Variants in TMEM67 observed in about 807,000 individuals in gnomAD.
The protein encoded by TMEM67 is transmembrane protein 67.
TMEM67 carries 124 observed loss-of-function variants against 136.6 expected under a neutral mutation model. The ratio of observed to expected loss-of-function variants is 0.91; its 90% CI spans 0.78 to 1.05. The LOEUF (loss-of-function observed/expected upper bound fraction) is 1.05, where lower values mean the gene tolerates loss of function less well. Ranked by LOEUF, TMEM67 falls within the 50% of genes least tolerant of loss-of-function variation. TMEM67 has a pLI of 0.00. For missense variants in TMEM67, 1,107 were observed against 1,178.4 expected (o/e 0.94, Z 0.89); for synonymous variants, 364 against 390.5 (o/e 0.93, Z 0.80).
chr8:93,803,530 A>C, intron 21 of TMEM67, 74 bp from the exon 22 acceptor site: 1 of 973,196 alleles, frequency 1.0e-6, no homozygotes, highest in Non-Finnish European at 1.7e-6. Context: ...TTTTCTTAAG[A>C]TGCTACACTG....
downstream of TMEM67, among the ~76,000 whole-genome samples, chr8:93,819,410 AG>A (rs1050258319): frequency 3.9e-5 from 6 of 152,328 alleles, no homozygotes; most frequent in Admixed American, 3.3e-4. Context: ...TGGAGAGAAC[AG>A]GAAGAGTGGA....
intron 20 of TMEM67, 32 bp from the exon 21 acceptor site, chr8:93,799,586 G>T: frequency 1.2e-6 from 2 of 1,611,092 alleles, no homozygotes; most frequent in African/African-American, 1.3e-5. Context: ...ATCCATGTCC[G>T]TTTAAATTAC....
chr8:93,820,458 T>C (rs1006228629), downstream of TMEM67, among the ~76,000 whole-genome samples: 4 of 152,158 alleles, frequency 2.6e-5, no homozygotes, highest in South Asian at 6.2e-4. Flanking sequence ...TGGCTGCATG[T>C]TGTGGTTTGC....
At chr8:93,793,136 A>T in intron 15 of TMEM67, 62 bp from the exon 16 acceptor site, 1 of 1,450,120 alleles carries the variant, frequency 6.9e-7, no homozygotes, top group Non-Finnish European at 9.7e-7. Context: ...ACTTGTTCAC[A>T]GTGTTTTTGA....
At chr8:93,782,078 T>G (rs1813861951) in intron 10 of TMEM67, among the ~76,000 whole-genome samples, 1 of 152,326 alleles carries the variant, frequency 6.6e-6, no homozygotes, top group South Asian at 2.1e-4. Flanking sequence ...CACGTCCAGC[T>G]AATTTTTATG....
chr8:93,823,974 A>G (rs1473397884), downstream of TMEM67, among the ~76,000 whole-genome samples: 1 of 152,142 alleles, frequency 6.6e-6, no homozygotes, highest in Non-Finnish European at 1.5e-5. Flanking sequence ...CCAAGCTCAG[A>G]ACACAAAGCC....
Position 93,808,828 on chromosome 8 carries a change from T to G in TMEM67, c.2440-12T>G, listed in dbSNP as rs1586090073. On this transcript the variant is annotated splice_polypyrimidine_tract_variant and intron_variant, in intron 23 of 27. Coordinates refer to ENST00000453321, the MANE Select transcript of TMEM67 (RefSeq NM_153704.6). ...TAATTTTGATCTTAACTTAAATTCTTTAACTTTTCAGGAAAATTTGTGTAG... is the reference window on the plus strand; with the variant it reads ...TAATTTTGATCTTAACTTAAATTCTGTAACTTTTCAGGAAAATTTGTGTAG... 1 of 1,559,722 alleles carries G rather than the reference T, an allele frequency of 6.4e-7. No homozygotes were observed. The highest frequency in any genetic ancestry group is 8.8e-7 in the Non-Finnish European group (1 of 1,130,994).
intron 26 of TMEM67, 85 bp downstream of exon 26, chr8:93,809,972 T>C: frequency 1.7e-5 from 3 of 171,474 alleles, no homozygotes; most frequent in South Asian, 1.3e-4. Flanking sequence ...TCTTTTTTTC[T>C]TTTTTTTTTT....
At chr8:93,784,954 C>T (rs1814024935) in intron 11 of TMEM67, among the ~76,000 whole-genome samples, 1 of 152,074 alleles carries the variant, frequency 6.6e-6, no homozygotes, top group Admixed American at 6.5e-5. Context: ...TGAGTTGAAG[C>T]TCAAGAAGTT....
intron 11 of TMEM67, among the ~76,000 whole-genome samples, 165 bp downstream of exon 11, chr8:93,782,625 G>A (rs565773646): frequency 1.9e-4 from 28 of 146,614 alleles, no homozygotes; most frequent in Middle Eastern, 3.6e-3. Flanking sequence ...CCAGGCTGGA[G>A]TGCAGTGGTG....
intron 7 of TMEM67, among the ~76,000 whole-genome samples, chr8:93,778,176 G>A (rs1013379144): frequency 1.3e-5 from 2 of 151,972 alleles, no homozygotes; most frequent in African/African-American, 4.8e-5. Flanking sequence ...GGATTGCAAT[G>A]CCTGCTTTCT....
rs1812951716 is a variant in TMEM67, at chr8:93,763,710, A to G, written c.407-132A>G. The G allele has an allele frequency of 2.1e-5, 14 of 673,606 alleles. No individual in the cohort carries two copies. The Admixed American group carries it at 3.2e-4, about 15-fold the overall frequency. 41.7% of individuals were successfully genotyped at this position (673,606 alleles called of 1,614,324 possible). On this transcript the variant is annotated intron_variant, in intron 3 of 27. Coordinates refer to ENST00000453321, the MANE Select transcript of TMEM67 (RefSeq NM_153704.6). ...TTATGGAGATACTTGTTATGCCTTT[A>G]ATGCAAATAAAGTGTTTTGAGAATT...
At chr8:93,781,884 TTTC>T (rs142980974) in intron 10 of TMEM67, 140 bp downstream of exon 10, 481 of 532,330 alleles carry the variant, frequency 9.0e-4, no homozygotes, top group African/African-American at 5.9e-3. Context: ...TAAATTAGAC[TTTC>T]TTAAGTTTTT....
rs575810585 is a variant in TMEM67, at chr8:93,817,257, C to G, written c.*805C>G. 2.6e-5 allele frequency: 4 copies of G among 152,314 alleles called. No individual in the cohort carries two copies. The highest frequency in any genetic ancestry group is 9.6e-5 in the African/African-American group (4 of 41,568). 9.4% of individuals were successfully genotyped at this position (152,314 alleles called of 1,614,324 possible). The stretch of plus-strand genomic sequence containing the variant: ...GTAAATAACAAACAGTAAGGCTGGG[C>G]GCTGTGGCTTACGCCTGTAATCCCA... On this transcript the variant is annotated 3_prime_UTR_variant, in exon 28 of 28. Coordinates refer to ENST00000453321, the MANE Select transcript of TMEM67 (RefSeq NM_153704.6).
intron 6 of TMEM67, 56 bp from the exon 7 acceptor site, chr8:93,772,533 A>C: frequency 8.2e-7 from 1 of 1,224,520 alleles, no homozygotes; most frequent in Non-Finnish European, 1.2e-6. Context: ...CCATTCAACA[A>C]TATGCATATT....
the TMEM67 span, among the ~76,000 whole-genome samples, chr8:93,826,371 C>T: frequency 1.9e-3 from 284 of 151,924 alleles, no homozygotes; most frequent in African/African-American, 6.5e-3. Flanking sequence ...CCTCATGATC[C>T]GCCCGCCTCG....
Position 93,804,795 on chromosome 8 carries a change from G to A in TMEM67, c.2356G>A (p.Gly786Arg). ...GTTTCTGTTATCCCACAAATGTTTTGGATATTACATTCATGGTAGATCAGT... is the reference window on the plus strand; with the variant it reads ...GTTTCTGTTATCCCACAAATGTTTTAGATATTACATTCATGGTAGATCAGT... The part of the protein sequence containing the change: ...SVFLLSHKCF[G>R]YYIHGRSVHG... The change falls in exon 23 of 28, where the codon GGA becomes AGA. Residue 786 changes from glycine (G) to arginine (R), a missense_variant. This residue lies in a region of TMEM67 where 925 missense variants were observed against 1,002.4 expected (regional missense o/e 0.92). Transcript: ENST00000453321. The A allele has an allele frequency of 6.2e-7, 1 of 1,605,624 alleles. No individual in the cohort carries two copies. Among genetic ancestry groups the A allele is most frequent in the Non-Finnish European group, 8.5e-7 (1 of 1,173,284 alleles).
chr8:93,808,256 G>A (rs911436536), intron 23 of TMEM67, among the ~76,000 whole-genome samples: 2 of 142,580 alleles, frequency 1.4e-5, no homozygotes, highest in East Asian at 4.0e-4. Context: ...ATAAATATAT[G>A]TGATAAATAT....
rs886063177 is a variant in TMEM67 at position 93,817,394 on chromosome 8, G to A, written c.*942G>A. ...AAAAATACAAAAATTAGTTGGATGT[G>A]GTGGCCTGTAATCCCAGCTATTTGG... is the stretch of plus-strand genomic sequence containing the variant. On this transcript the variant is annotated 3_prime_UTR_variant, in exon 28 of 28. Coordinates refer to ENST00000453321, the MANE Select transcript of TMEM67 (RefSeq NM_153704.6). 9 of 152,108 alleles carry A rather than the reference G, an allele frequency of 5.9e-5. No homozygotes were observed. The highest frequency in any genetic ancestry group is 9.7e-5 in the African/African-American group (4 of 41,412). The allele number at this position is 152,108 out of a possible 1,614,324, so 9.4% of individuals were successfully genotyped here. A position where few individuals can be genotyped will look rare whatever the true frequency, so the allele number is the denominator to read the frequency against.
Sources: gnomAD v4.1 joint callset for allele counts (sites outside exome capture counted in the v4.1 genomes callset) on GRCh38, gnomAD v4.1.1 for gene constraint, gnomAD v4.1.1 regional missense constraint, MANE v1.5 for transcripts, NCBI Gene and HGNC (gene_info 2026-07-23, HGNC 2026-07-21) for gene names.